Variants in LAX1 observed in about 807,000 individuals in gnomAD.
The protein encoded by LAX1 is lymphocyte transmembrane adaptor 1.
Under a neutral mutation model 20.7 loss-of-function variants are expected in LAX1, and 17 were observed. That is an observed-to-expected ratio of 0.82 (90% confidence interval 0.56 to 1.23). The LOEUF is 1.23. Among genes scored for constraint, LAX1 ranks in the 50% most tolerant of loss-of-function variants. LAX1 has a pLI of 0.00. For missense variants in LAX1, 470 were observed against 487.0 expected (o/e 0.97, Z 0.33); for synonymous variants, 165 against 181.0 (o/e 0.91, Z 0.71).
chr1:203,775,774 A>T lies in LAX1; in HGVS notation c.*1093A>T, dbSNP rs1218684728. ...GAACTCTTGGTTCACACAATAATATAGACATATCTTAAATCCATTTTGCTA... is the reference window on the plus strand; with the variant it reads ...GAACTCTTGGTTCACACAATAATATTGACATATCTTAAATCCATTTTGCTA... On this transcript the variant is annotated 3_prime_UTR_variant, in exon 5 of 5. Coordinates refer to ENST00000442561, the MANE Select transcript of LAX1 (RefSeq NM_017773.4). 6.6e-6 allele frequency: 1 copy of T among 152,222 alleles called. No homozygotes were observed. The highest frequency in any genetic ancestry group is 1.5e-5 in the Non-Finnish European group (1 of 68,048). The allele number at this position is 152,222 out of a possible 1,614,324, so 9.4% of individuals were successfully genotyped here. A position where few individuals can be genotyped will look rare whatever the true frequency, so the allele number is the denominator to read the frequency against.
chr1:203,767,601 C>A (rs1015721820), intron 1 of LAX1, among the ~76,000 whole-genome samples: 1 of 152,078 alleles, frequency 6.6e-6, no homozygotes, highest in Non-Finnish European at 1.5e-5. Flanking sequence ...AGCCACCATG[C>A]CCCGCCTTGG....
Position 203,769,444 on chromosome 1 carries a change from G to GAAAGAAAGAAA in LAX1, c.90-1384_90-1383insAAAGAAAGAAA, listed in dbSNP as rs1553254225. Among the ~76,000 whole-genome samples, 1,225 of 133,540 alleles carry GAAAGAAAGAAA rather than the reference G, an allele frequency of 9.2e-3. 37 individuals are homozygous for GAAAGAAAGAAA. Among genetic ancestry groups the GAAAGAAAGAAA allele is most frequent in the East Asian group, 0.037 (158 of 4,308 alleles). 87.6% of individuals were successfully genotyped at this position (133,540 alleles called of 152,430 possible). ...AAGAAAGAAAGAAAGAAAGAAAGAA[G>GAAAGAAAGAAA]GAAAGAAAGAAAAGAAAAGAAAGAA... is the stretch of plus-strand genomic sequence containing the variant. On this transcript the variant is annotated intron_variant, in intron 1 of 4. Coordinates refer to ENST00000442561, the MANE Select transcript of LAX1 (RefSeq NM_017773.4).
At chr1:203,769,449 G>T (rs1667364575) in intron 1 of LAX1, among the ~76,000 whole-genome samples, 2 of 116,452 alleles carry the variant, frequency 1.7e-5, no homozygotes, top group African/African-American at 2.9e-5. Flanking sequence ...AAGAAGGAAA[G>T]AAAGAAAAGA....
chr1:203,774,334 C>T lies in LAX1; in HGVS notation c.850C>T (p.Leu284Phe), dbSNP rs755392989. 1.2e-6 allele frequency: 2 copies of T among 1,614,162 alleles called. No homozygotes were observed. The highest frequency in any genetic ancestry group is 1.7e-6 in the Non-Finnish European group (2 of 1,180,030). ...TCTCAGTGCCATCCAGGAAAGGCAG[C>T]TCTGGGTGGCTTTTCAGTGCTGCAG... ...LDLSAIQERQ[L>F]WVAFQCCRDY... The change falls in exon 5 of 5, where the codon CTC becomes TTC. Residue 284 changes from leucine (L) to phenylalanine (F), a missense_variant. Transcript: ENST00000442561.
Position 203,775,521 on chromosome 1 carries a change from AG to A in LAX1, c.*841del, listed in dbSNP as rs1238222047. The A allele has an allele frequency of 2.6e-5, 4 of 152,348 alleles. No homozygotes were observed. The highest frequency in any genetic ancestry group is 5.9e-5 in the Non-Finnish European group (4 of 68,036). 9.4% of individuals were successfully genotyped at this position (152,348 alleles called of 1,614,324 possible). A position where few individuals can be genotyped will look rare whatever the true frequency, so the allele number is the denominator to read the frequency against. ...GGGCAGCTTTGAAAAACTTTTCAGC[AG>A]TTTCTTATAAGCATAACTTATCATA... is the stretch of plus-strand genomic sequence containing the variant. On this transcript the variant is annotated 3_prime_UTR_variant, in exon 5 of 5. Transcript: ENST00000442561.
intron 1 of LAX1, among the ~76,000 whole-genome samples, chr1:203,769,397 A>AAG (rs1553254193): frequency 3.9e-5 from 3 of 76,688 alleles, no homozygotes; most frequent in African/African-American, 1.6e-4. Flanking sequence ...GTCTCAAAAA[A>AAG]AAAGAAAGAA....
Position 203,775,579 on chromosome 1 carries a change from G to A in LAX1, c.*898G>A, listed in dbSNP as rs6685890. The A allele has an allele frequency of 6.6e-6, 1 of 152,132 alleles. No homozygotes were observed. Among genetic ancestry groups the A allele is most frequent in the Admixed American group, 6.6e-5 (1 of 15,262 alleles). The allele number at this position is 152,132 out of a possible 1,614,324, so 9.4% of individuals were successfully genotyped here. A position where few individuals can be genotyped will look rare whatever the true frequency, so the allele number is the denominator to read the frequency against. On this transcript the variant is annotated 3_prime_UTR_variant, in exon 5 of 5. Transcript: ENST00000442561. ...AGCCATTTCACTACTAGAAATTGAC[G>A]CAAGTGAACTGAAAACTTATGTTCA...
In LAX1 at chr1:203,765,379, T is replaced by C; in HGVS notation, c.-187T>C. ...CTTCCTGCAGTGGGCATTAGCCACG[T>C]CCAGGTAGAACCAAACCTGTTGCTT... On this transcript the variant is annotated 5_prime_UTR_variant, in exon 1 of 5. Coordinates refer to ENST00000442561, the MANE Select transcript of LAX1 (RefSeq NM_017773.4). 1 of 1,551,780 alleles carries C rather than the reference T, an allele frequency of 6.4e-7. No individual in the cohort carries two copies. Among genetic ancestry groups the C allele is most frequent in the Non-Finnish European group, 8.7e-7 (1 of 1,147,012 alleles).
At position 203,765,488 on chromosome 1, in the gene LAX1, G is replaced by C. The variant is rs900277413; in HGVS notation, c.-78G>C. ...GTTGCGGGGGTGGGGAGAAGTGGTA[G>C]ACATGCTGGCTAACTGATTATGATT... On this transcript the variant is annotated 5_prime_UTR_variant, in exon 1 of 5. Coordinates refer to ENST00000442561, the MANE Select transcript of LAX1 (RefSeq NM_017773.4). 2 of 1,591,724 alleles carry C rather than the reference G, an allele frequency of 1.3e-6. No homozygotes were observed. Among genetic ancestry groups the C allele is most frequent in the East Asian group, 2.3e-5 (1 of 44,084 alleles).
At chr1:203,769,355 G>A (rs1667357015) in intron 1 of LAX1, among the ~76,000 whole-genome samples, 2 of 148,780 alleles carry the variant, frequency 1.3e-5, no homozygotes, top group Admixed American at 1.4e-4. Context: ...TCATGCCACT[G>A]CACTCCAGCC....
chr1:203,767,275 C>T (rs1434607996), intron 1 of LAX1, among the ~76,000 whole-genome samples: 2 of 147,852 alleles, frequency 1.4e-5, no homozygotes, highest in Non-Finnish European at 3.0e-5. Flanking sequence ...CAACCCCTCC[C>T]TGGTAACCAC....
At position 203,770,915 on chromosome 1, in the gene LAX1, G is replaced by T; in HGVS notation, c.177G>T (p.Trp59Cys). 1 of 1,613,992 alleles carries T rather than the reference G, an allele frequency of 6.2e-7. No individual in the cohort carries two copies. Among genetic ancestry groups the T allele is most frequent in the South Asian group, 1.1e-5 (1 of 91,084 alleles). The change falls in exon 2 of 5, where the codon TGG (tryptophan) becomes TGT (cysteine). Residue 59 changes from tryptophan (W) to cysteine (C), a missense_variant. Transcript: ENST00000442561. ...LLVVAVFCIL[W>C]NWNKRKKRQV... ...TCGTTGCGGTTTTCTGCATCTTGTGGAATTGGAATAAACGGAAGAAGCGTG... is the reference window on the plus strand; with the variant it reads ...TCGTTGCGGTTTTCTGCATCTTGTGTAATTGGAATAAACGGAAGAAGCGTG...
chr1:203,765,539 G>C lies in LAX1; in HGVS notation c.-27G>C, dbSNP rs753745282. ...AAGAGAAACTTAGAAGCTGAAGCCA[G>C]AGAGCATCTCAAAGGTTCCTGATAC... On this transcript the variant is annotated 5_prime_UTR_variant, in exon 1 of 5. Coordinates refer to ENST00000442561, the MANE Select transcript of LAX1 (RefSeq NM_017773.4). 1.2e-6 allele frequency: 2 copies of C among 1,613,926 alleles called. No individual in the cohort carries two copies.
intron 4 of LAX1, 59 bp downstream of exon 4, chr1:203,772,206 G>C (rs997057655): frequency 7.7e-7 from 1 of 1,291,846 alleles, no homozygotes; most frequent in Middle Eastern, 1.8e-4. Flanking sequence ...TGCGGGGAAA[G>C]AGTTATAGGG....
At chr1:203,770,485 GGA>G (rs1667393513) in intron 1 of LAX1, among the ~76,000 whole-genome samples, 1 of 69,036 alleles carries the variant, frequency 1.4e-5, no homozygotes, top group East Asian at 1.2e-3. Context: ...AAGGAAGGAA[GGA>G]AGGAAGGAAG....
In LAX1 at chr1:203,774,418, G is replaced by T; in HGVS notation, c.934G>T (p.Asp312Tyr). 2 of 1,614,232 alleles carry T rather than the reference G, an allele frequency of 1.2e-6. No individual in the cohort carries two copies. Among genetic ancestry groups the T allele is most frequent in the Non-Finnish European group, 1.7e-6 (2 of 1,180,042 alleles). ...PSGSQQQAEK[D>Y]VPSSNIGHVE... ...TGGAAGCCAGCAGCAGGCTGAGAAAGATGTGCCATCCTCAAACATAGGTCA... is the reference window on the plus strand; with the variant it reads ...TGGAAGCCAGCAGCAGGCTGAGAAATATGTGCCATCCTCAAACATAGGTCA... Residue 312 changes from aspartate (D) to tyrosine (Y), a missense_variant, in exon 5 of 5, where the codon GAT (aspartate) becomes TAT (tyrosine). Coordinates refer to ENST00000442561, the MANE Select transcript of LAX1 (RefSeq NM_017773.4).
intron 1 of LAX1, among the ~76,000 whole-genome samples, chr1:203,769,431 AAGAAAGAAAGAAG>A (rs2102264834): frequency 4.9e-5 from 5 of 102,900 alleles, no homozygotes; most frequent in South Asian, 6.3e-4. Context: ...GAAAGAAAGA[AAGAAAGAAAGAAG>A]GAAAGAAAGA....
intron 4 of LAX1, among the ~76,000 whole-genome samples, chr1:203,772,877 T>C (rs563328451): frequency 4.1e-4 from 61 of 150,380 alleles, no homozygotes; most frequent in African/African-American, 1.5e-3. Flanking sequence ...GGTTTCACCA[T>C]ATTGCCCAGG....
chr1:203,766,981 G>A (rs1353419305), intron 1 of LAX1, among the ~76,000 whole-genome samples: 2 of 151,068 alleles, frequency 1.3e-5, no homozygotes, highest in African/African-American at 4.9e-5. Flanking sequence ...TCAGCCTCCT[G>A]AGTAGCTGGG....
Sources: gnomAD v4.1 joint callset for allele counts (sites outside exome capture counted in the v4.1 genomes callset) on GRCh38, gnomAD v4.1.1 for gene constraint, MANE v1.5 for transcripts, NCBI Gene and HGNC (gene_info 2026-07-23, HGNC 2026-07-21) for gene names.